GALNT17: variants seen among roughly 807,000 people sequenced by gnomAD.
The protein encoded by GALNT17 is polypeptide N-acetylgalactosaminyltransferase 17.
Under a neutral mutation model 63.7 loss-of-function variants are expected in GALNT17, and 29 were observed. The observed-to-expected ratio is 0.46, with a 90% CI of 0.34 to 0.62. The LOEUF (loss-of-function observed/expected upper bound fraction) is 0.62, where lower values mean the gene tolerates loss of function less well. GALNT17 is among the 20% of genes least tolerant of loss of function. The probability of loss-of-function intolerance (pLI) is 0.01; values close to 1 mark genes in which losing one functional copy is unlikely to be tolerated. For missense variants in GALNT17, 603 were observed against 799.6 expected, an observed-to-expected ratio of 0.75 and a Z score of 2.97; for synonymous variants, 305 against 318.3, an observed-to-expected ratio of 0.96 and a Z score of 0.45.
chr7:71,408,898 G>A (rs1376333522), intron 3 of GALNT17, among the ~76,000 whole-genome samples: 7 of 149,740 alleles, frequency 4.7e-5, no homozygotes, highest in African/African-American at 1.8e-4. Context: ...ATATGTGTGT[G>A]TGTGTGTATG....
At chr7:71,616,977 A>T (rs1790219783) in intron 6 of GALNT17, among the ~76,000 whole-genome samples, 2 of 94,952 alleles carry the variant, frequency 2.1e-5, no homozygotes, top group Non-Finnish European at 4.6e-5. Flanking sequence ...TGAATATATT[A>T]GTTCTATATT....
At chr7:71,181,674 C>T (rs922463756) in intron 1 of GALNT17, among the ~76,000 whole-genome samples, 3 of 151,570 alleles carry the variant, frequency 2.0e-5, no homozygotes, top group Non-Finnish European at 4.4e-5. Flanking sequence ...TCAAAACCAG[C>T]CCTAGGTAAC....
chr7:71,148,853 G>GGT (rs1788074504), intron 1 of GALNT17, among the ~76,000 whole-genome samples: 4 of 56,930 alleles, frequency 7.0e-5, no homozygotes, highest in Non-Finnish European at 1.3e-4. Context: ...GTAGTATTAT[G>GGT]GTATTTTTAT....
intron 5 of GALNT17, among the ~76,000 whole-genome samples, chr7:71,559,598 ACAGCTTTAATCC>A (rs1216073173): frequency 6.6e-6 from 1 of 152,192 alleles, no homozygotes; most frequent in Non-Finnish European, 1.5e-5. Context: ...GCAGTGGCTC[ACAGCTTTAATCC>A]CACCATTCTG....
intron 2 of GALNT17, among the ~76,000 whole-genome samples, chr7:71,372,905 C>T (rs1028096493): frequency 6.6e-6 from 1 of 152,154 alleles, no homozygotes; most frequent in African/African-American, 2.4e-5. Flanking sequence ...CATGCTAGCT[C>T]CCAGAAGGGC....
At chr7:71,441,061 C>T (rs953515495) in intron 5 of GALNT17, among the ~76,000 whole-genome samples, 1 of 150,008 alleles carries the variant, frequency 6.7e-6, no homozygotes, top group Non-Finnish European at 1.5e-5. Context: ...TCTTGCTCTT[C>T]CGCCAGGCTG....
chr7:71,663,555 C>G (rs1219568691), intron 6 of GALNT17, among the ~76,000 whole-genome samples: 1 of 152,176 alleles, frequency 6.6e-6, no homozygotes, highest in Non-Finnish European at 1.5e-5. Context: ...TGTCCTGTCC[C>G]AGATCAAAGA....
rs915581122 is a variant in GALNT17 at position 71,495,666 on chromosome 7, A to T, written c.962+74561A>T. Among the ~76,000 whole-genome samples, 5 of 152,114 alleles carry T rather than the reference A, an allele frequency of 3.3e-5. No individual in the cohort carries two copies. In the South Asian group the frequency reaches 6.2e-4, roughly 19 times the overall value. On this transcript the variant is annotated intron_variant, in intron 5 of 10. Transcript: ENST00000333538. ...ACCCGGCCTGGAATGGGAGCACTAT[A>T]CCTTGGCTCATTCCCAGTAACTGGA...
intron 9 of GALNT17, among the ~76,000 whole-genome samples, chr7:71,710,475 T>G (rs918574011): frequency 6.6e-6 from 1 of 152,088 alleles, no homozygotes; most frequent in Non-Finnish European, 1.5e-5. Context: ...GCCATTGCAC[T>G]CCAGACAGGA....
chr7:71,701,586 A>G (rs1382073402), intron 9 of GALNT17, among the ~76,000 whole-genome samples: 2 of 151,660 alleles, frequency 1.3e-5, no homozygotes, highest in Non-Finnish European at 2.9e-5. Context: ...CTGGGTATCT[A>G]CCCAAAGAAA....
chr7:71,590,919 A>G (rs1789790030), intron 6 of GALNT17, among the ~76,000 whole-genome samples: 1 of 152,066 alleles, frequency 6.6e-6, no homozygotes, highest in African/African-American at 2.4e-5. Flanking sequence ...GCCACCAAGC[A>G]CAGCTAATTT....
At chr7:71,193,337 C>T (rs1166576010) in intron 1 of GALNT17, among the ~76,000 whole-genome samples, 1 of 151,914 alleles carries the variant, frequency 6.6e-6, no homozygotes, top group African/African-American at 2.4e-5. Flanking sequence ...TGGCCTCAAG[C>T]CATCTTCCTG....
In GALNT17 at chr7:71,468,476, G is replaced by T. The variant is rs186945604; in HGVS notation, c.962+47371G>T. On this transcript the variant is annotated intron_variant, in intron 5 of 10. Transcript: ENST00000333538. ...CTGTTGCCCAGGCTGGAGTGCAGTGGTGCCACCTCGGATCACTGCAGCCTC... is the reference window on the plus strand; with the variant it reads ...CTGTTGCCCAGGCTGGAGTGCAGTGTTGCCACCTCGGATCACTGCAGCCTC... 1.4e-4 allele frequency among the ~76,000 whole-genome samples: 21 copies of T among 151,982 alleles called. No homozygotes were observed. The East Asian group carries it at 4.1e-3, about 29-fold the overall frequency.
At chr7:71,250,468 T>TA (rs76605660) in intron 1 of GALNT17, among the ~76,000 whole-genome samples, 10,691 of 152,172 alleles carry the variant, frequency 0.07, 469 homozygotes, top group Non-Finnish European at 0.088. Flanking sequence ...TTACGATTGA[T>TA]ATCCTGGAGG....
chr7:71,651,237 A>AAAC lies in GALNT17; in HGVS notation c.1081-14172_1081-14171insCAA, dbSNP rs1442409537. On this transcript the variant is annotated intron_variant, in intron 6 of 10. Transcript: ENST00000333538. ...TGGGAGCACAAAAAAAAAAAAAAAA[A>AAAC]AAAAGGAAGGGAGGTGGGGAGAATA... 4.0e-5 allele frequency among the ~76,000 whole-genome samples: 6 copies of AAAC among 150,504 alleles called. No individual in the cohort carries two copies. In the East Asian group the frequency reaches 1.2e-3, roughly 29 times the overall value.
chr7:71,388,250 G>C lies in GALNT17; in HGVS notation c.438G>C (p.Lys146Asn). The C allele has an allele frequency of 6.2e-7, 1 of 1,613,736 alleles. No individual in the cohort carries two copies. Among genetic ancestry groups the C allele is most frequent in the Non-Finnish European group, 8.5e-7 (1 of 1,179,848 alleles). Residue 146 changes from lysine to asparagine, a missense_variant, in exon 3 of 11, where the codon AAG (lysine) becomes AAC (asparagine). Around this residue, in one of 3 missense-constraint regions of GALNT17, gnomAD observed 195 missense variants for 215.0 expected, o/e 0.91. Coordinates refer to ENST00000333538, the MANE Select transcript of GALNT17 (RefSeq NM_022479.3). ...CCTTCCCCAGGTGTAAGGAGCTCAAGTACTCCAAGGACCTGCCCCAGATAT... is the reference window on the plus strand; with the variant it reads ...CCTTCCCCAGGTGTAAGGAGCTCAACTACTCCAAGGACCTGCCCCAGATAT... Reference protein sequence around the residue: ...DYRPTKCKELKYSKDLPQISI... With the variant: ...DYRPTKCKELNYSKDLPQISI...
intron 5 of GALNT17, among the ~76,000 whole-genome samples, chr7:71,557,266 A>G (rs1057452534): frequency 1.3e-5 from 2 of 152,146 alleles, no homozygotes; most frequent in Non-Finnish European, 2.9e-5. Context: ...ACATTCTCAG[A>G]AAACTTCTCC....
Position 71,318,147 on chromosome 7 carries a change from C to A in GALNT17, c.239-17403C>A, listed in dbSNP as rs143746525. On this transcript the variant is annotated intron_variant, in intron 1 of 10. Transcript: ENST00000333538. ...TCTCAAACTCCTGGCCTCAAGTGATCTTCCCACCTTGGCCTCCCAAGTACT... is the reference window on the plus strand; with the variant it reads ...TCTCAAACTCCTGGCCTCAAGTGATATTCCCACCTTGGCCTCCCAAGTACT... Among the ~76,000 whole-genome samples the A allele has an allele frequency of 7.2e-5, 11 of 152,292 alleles. No homozygotes were observed. The East Asian group carries it at 2.1e-3, about 30-fold the overall frequency.
At chr7:71,204,454 A>G (rs1562912560) in intron 1 of GALNT17, among the ~76,000 whole-genome samples, 1 of 152,210 alleles carries the variant, frequency 6.6e-6, no homozygotes, top group Non-Finnish European at 1.5e-5. Context: ...GGAATTTGAT[A>G]GGGATTGCAT....
Sources: allele counts gnomAD v4.1 joint callset (sites outside exome capture counted in the v4.1 genomes callset), GRCh38; gene constraint gnomAD v4.1.1; regional missense constraint gnomAD v4.1.1; transcripts MANE v1.5; gene names NCBI Gene and HGNC (gene_info 2026-07-23, HGNC 2026-07-21).